Variants in KAT7 observed in about 807,000 individuals in gnomAD.
KAT7 encodes the protein lysine acetyltransferase 7, also known as histone acetyltransferase KAT7.
A neutral mutation model predicts 82.1 loss-of-function variants in KAT7; 10 were observed. The ratio of observed to expected loss-of-function variants is 0.12; its 90% confidence interval spans 0.08 to 0.21. The LOEUF is 0.21. KAT7 is among the 10% of genes least tolerant of loss of function. The probability of loss-of-function intolerance (pLI) is 1.00; values close to 1 mark genes in which losing one functional copy is unlikely to be tolerated. For missense variants in KAT7, 378 were observed against 760.9 expected (o/e 0.50, Z 5.92); for synonymous variants, 250 against 262.5 (o/e 0.95, Z 0.46).
rs2074428573 is a variant in KAT7 at position 49,831,973 on chromosome 17, TAA to T, written c.*4472_*4473del. On this transcript the variant is annotated 3_prime_UTR_variant, in exon 15 of 15. Coordinates refer to ENST00000259021, the MANE Select transcript of KAT7 (RefSeq NM_007067.5). ...TGCACCCAGCCATTTTTTTTTTTTT[TAA>T]GACGACGTCTCACTCTGTCACCTAT... is the stretch of plus-strand genomic sequence containing the variant. 2.0e-5 allele frequency: 3 copies of T among 146,488 alleles called. No homozygotes were observed. Among genetic ancestry groups the T allele is most frequent in the Non-Finnish European group, 4.5e-5 (3 of 66,966 alleles). 9.1% of individuals were successfully genotyped at this position (146,488 alleles called of 1,614,324 possible). A position where few individuals can be genotyped will look rare whatever the true frequency, so the allele number is the denominator to read the frequency against.
rs760216326 is a variant in KAT7 at position 49,791,924 on chromosome 17, C to T, written c.54C>T (p.Ser18=). Residue 18 remains serine (S), a synonymous_variant, in exon 2 of 15, where the codon TCC becomes TCT. Transcript: ENST00000259021. The part of the protein sequence containing the change: ...AGSSSDGTED[S]DFSTDLEHTD... ...GTAGTTCAGATGGAACCGAAGATTC[C>T]GATTTTTCTACAGATCTCGAGCACA... 10 of 1,614,132 alleles carry T rather than the reference C, an allele frequency of 6.2e-6. No individual in the cohort carries two copies. Among genetic ancestry groups the T allele is most frequent in the Admixed American group, 1.7e-5 (1 of 60,014 alleles).
chr17:49,807,246 G>A (rs2074102789), intron 5 of KAT7, among the ~76,000 whole-genome samples: 1 of 152,172 alleles, frequency 6.6e-6, no homozygotes, highest in Non-Finnish European at 1.5e-5. Context: ...AAAAAAAGAC[G>A]AATGATATAG....
rs562853478 is a variant in KAT7 at position 49,809,015 on chromosome 17, G to A, written c.664-104G>A. The A allele has an allele frequency of 3.2e-5, 27 of 832,876 alleles. No individual in the cohort carries two copies. In the Admixed American group the frequency reaches 5.5e-4, roughly 17 times the overall value. The allele number at this position is 832,876 out of a possible 1,614,324, so 51.6% of individuals were successfully genotyped here. On this transcript the variant is annotated intron_variant, in intron 5 of 14. Coordinates refer to ENST00000259021, the MANE Select transcript of KAT7 (RefSeq NM_007067.5). ...CAATAAGTGTGAAGACCCTTTGAAA[G>A]TAAAGTACAACATAAATCCAAGGCA...
At position 49,827,504 on chromosome 17, in the gene KAT7, G is replaced by A. The variant is rs1185678748; in HGVS notation, c.*2G>A. Reference sequence around the variant, plus strand: ...TGGACCCCTCCCAAGGGCACTTAAAGTGACCTGTCATTCCGAGCCAGCGAA... The same window carrying A: ...TGGACCCCTCCCAAGGGCACTTAAAATGACCTGTCATTCCGAGCCAGCGAA... On this transcript the variant is annotated 3_prime_UTR_variant, in exon 15 of 15. Transcript: ENST00000259021. 2.5e-6 allele frequency: 4 copies of A among 1,584,670 alleles called. No homozygotes were observed. Among genetic ancestry groups the A allele is most frequent in the Admixed American group, 1.7e-5 (1 of 59,950 alleles).
intron 11 of KAT7, 41 bp downstream of exon 11, chr17:49,821,831 A>G: frequency 6.2e-7 from 1 of 1,603,228 alleles, no homozygotes; most frequent in Non-Finnish European, 8.5e-7. Context: ...TGGCCAGAGC[A>G]GGGTGATCCA....
chr17:49,819,433 T>C (rs2143962597), intron 9 of KAT7, among the ~76,000 whole-genome samples: 1 of 152,296 alleles, frequency 6.6e-6, no homozygotes. Context: ...TAAAGTAAAA[T>C]GGTTTTACTG....
chr17:49,824,039 A>G (rs1263642125), intron 12 of KAT7, among the ~76,000 whole-genome samples: 1 of 152,188 alleles, frequency 6.6e-6, no homozygotes, highest in Non-Finnish European at 1.5e-5. Flanking sequence ...AGTTGCTGGC[A>G]GTGAGTTCAA....
chr17:49,806,159 GTAT>G lies in KAT7; in HGVS notation c.663+719_663+721del, dbSNP rs2074089308. On this transcript the variant is annotated intron_variant, in intron 5 of 14. Transcript: ENST00000259021. ...GGTTATCTAAGCTGGTTAGACCAAA[GTAT>G]TATTGTTGTTTTTGTTGTTACTTTG... is the stretch of plus-strand genomic sequence containing the variant. Among the ~76,000 whole-genome samples the G allele has an allele frequency of 1.3e-5, 2 of 152,194 alleles. 1 individual carries two copies. Among genetic ancestry groups the G allele is most frequent in the African/African-American group, 4.8e-5 (2 of 41,456 alleles).
chr17:49,810,137 G>A (rs2074143485), intron 6 of KAT7, among the ~76,000 whole-genome samples: 1 of 152,186 alleles, frequency 6.6e-6, no homozygotes, highest in South Asian at 2.1e-4. Flanking sequence ...TGCCTACCTG[G>A]CAGGGGAGTC....
intron 9 of KAT7, among the ~76,000 whole-genome samples, chr17:49,820,019 C>T (rs1442961354): frequency 6.6e-6 from 1 of 152,126 alleles, no homozygotes; most frequent in Non-Finnish European, 1.5e-5. Context: ...CTTTGGGAGG[C>T]TGAAGTGGGA....
chr17:49,789,689 G>C (rs1192723120), intron 1 of KAT7: 1 of 152,138 alleles, frequency 6.6e-6, no homozygotes, highest in African/African-American at 2.4e-5. Flanking sequence ...CTTTCTGCGC[G>C]GTGGTTGCTG....
Position 49,826,681 on chromosome 17 carries a change from C to T in KAT7, c.1628-12C>T, listed in dbSNP as rs374371426. ...CACTTTGGCCAGGTTGTCAGTACTT[C>T]TTCTGTTTCAGAAATCAGTCAGGAG... On this transcript the variant is annotated splice_polypyrimidine_tract_variant and intron_variant, in intron 13 of 14. Transcript: ENST00000259021. The T allele has an allele frequency of 8.1e-6, 13 of 1,600,222 alleles. No homozygotes were observed. Among genetic ancestry groups the T allele is most frequent in the African/African-American group, 1.3e-5 (1 of 74,580 alleles).
intron 7 of KAT7, chr17:49,814,817 A>C (rs1270800799): frequency 6.6e-6 from 1 of 152,216 alleles, no homozygotes; most frequent in Non-Finnish European, 1.5e-5. Flanking sequence ...CAGCAGATGG[A>C]ATCAGATTAA....
At chr17:49,823,827 C>A (rs538852019) in intron 12 of KAT7, among the ~76,000 whole-genome samples, 8 of 152,306 alleles carry the variant, frequency 5.3e-5, no homozygotes, top group Admixed American at 2.0e-4. Context: ...CATGGATGCA[C>A]ACATTCCCAG....
intron 7 of KAT7, among the ~76,000 whole-genome samples, chr17:49,811,893 A>G (rs550603394): frequency 5.9e-5 from 9 of 152,342 alleles, no homozygotes; most frequent in African/African-American, 1.7e-4. Flanking sequence ...GGCACTGGAA[A>G]TGTCTGTATG....
chr17:49,798,015 A>T (rs1309125168), intron 3 of KAT7, among the ~76,000 whole-genome samples: 1 of 152,244 alleles, frequency 6.6e-6, no homozygotes, highest in Admixed American at 6.5e-5. Context: ...GGGAAGTGGG[A>T]TAGTAATGTT....
intron 1 of KAT7, chr17:49,789,446 C>CCAGTTGCCTCCAAG (rs6146081): frequency 1 from 151,640 of 152,272 alleles, 75,509 homozygotes; most frequent in Middle Eastern, 1. Flanking sequence ...CCCTCTCAGG[C>CCAGTTGCCTCCAAG]CAGTTGCCTC....
chr17:49,805,744 C>A, intron 5 of KAT7, among the ~76,000 whole-genome samples: 1 of 152,172 alleles, frequency 6.6e-6, no homozygotes, highest in East Asian at 1.9e-4. Context: ...TCGAAGACTG[C>A]TAGGGACTTA....
chr17:49,810,300 C>T (rs901318688), intron 6 of KAT7, among the ~76,000 whole-genome samples: 8 of 151,932 alleles, frequency 5.3e-5, no homozygotes, highest in African/African-American at 9.7e-5. Flanking sequence ...CTTTTTGCCC[C>T]GGCTGGAGTG....
Sources: gnomAD v4.1 joint callset for allele counts (sites outside exome capture counted in the v4.1 genomes callset) on GRCh38, gnomAD v4.1.1 for gene constraint, MANE v1.5 for transcripts, NCBI Gene and HGNC (gene_info 2026-07-23, HGNC 2026-07-21) for gene names.